The following KIAA0319 variants were observed in gnomAD, a reference collection of about 807,000 sequenced individuals.
KIAA0319 encodes KIAA0319, also known as dyslexia-associated protein KIAA0319.
Under a neutral mutation model 108.4 loss-of-function variants are expected in KIAA0319, and 83 were observed. That is an observed-to-expected ratio of 0.77 (90% confidence interval 0.64 to 0.92). KIAA0319 has a LOEUF of 0.92. Among genes scored for constraint, KIAA0319 ranks in the 40% least tolerant of loss-of-function variants. The probability of loss-of-function intolerance (pLI) is 0.00; values close to 1 mark genes in which losing one functional copy is unlikely to be tolerated. For missense variants in KIAA0319, 1,195 were observed against 1,322.4 expected, an observed-to-expected ratio of 0.90 and a Z score of 1.49; for synonymous variants, 484 against 510.4, an observed-to-expected ratio of 0.95 and a Z score of 0.70.
intron 1 of KIAA0319, among the ~76,000 whole-genome samples, chr6:24,602,628 G>A (rs540532207): frequency 2.0e-5 from 3 of 152,218 alleles, no homozygotes; most frequent in South Asian, 2.1e-4. Context: ...GTGAAACCCC[G>A]TCTCTACTAA....
intron 11 of KIAA0319, 150 bp from the exon 12 acceptor site, chr6:24,570,185 G>C: frequency 1.4e-6 from 1 of 717,658 alleles, no homozygotes; most frequent in Non-Finnish European, 2.3e-6. Flanking sequence ...GTGAAGCACT[G>C]CAGCCTCCTA....
Position 24,591,898 on chromosome 6 carries a change from AATT to A in KIAA0319, c.802-3116_802-3114del, listed in dbSNP as rs1768539112. Among the ~76,000 whole-genome samples, 4 of 152,176 alleles carry A rather than the reference AATT, an allele frequency of 2.6e-5. No homozygotes were observed. In the South Asian group the frequency reaches 8.3e-4, roughly 32 times the overall value. ...GTTTGAGTTGGGTTATTTGTCTTTTAATTATTAAGTTGTAAGAGTTATTTATAT... is the reference window on the plus strand; with the variant it reads ...GTTTGAGTTGGGTTATTTGTCTTTTAATTAAGTTGTAAGAGTTATTTATAT... On this transcript the variant is annotated intron_variant, in intron 3 of 20. Transcript: ENST00000378214.
intron 1 of KIAA0319, among the ~76,000 whole-genome samples, chr6:24,636,528 A>G (rs1776223460): frequency 6.6e-6 from 1 of 152,260 alleles, no homozygotes; most frequent in African/African-American, 2.4e-5. Flanking sequence ...TTAGAGCAAC[A>G]TGAATTCTGT....
intron 16 of KIAA0319, among the ~76,000 whole-genome samples, chr6:24,562,600 G>C (rs559363910): frequency 3.9e-5 from 6 of 152,188 alleles, no homozygotes; most frequent in Admixed American, 6.5e-5. Context: ...AGCACCCTGG[G>C]AGGCCTAAGT....
chr6:24,581,556 T>C (rs1252371533), intron 6 of KIAA0319, among the ~76,000 whole-genome samples: 1 of 152,124 alleles, frequency 6.6e-6, no homozygotes, highest in Non-Finnish European at 1.5e-5. Flanking sequence ...TAGAACAATA[T>C]GTGATAGGGC....
At chr6:24,559,427 C>T (rs146233208) in intron 16 of KIAA0319, among the ~76,000 whole-genome samples, 262 of 152,218 alleles carry the variant, frequency 1.7e-3, no homozygotes, top group African/African-American at 5.8e-3. Context: ...AAATCCTAAC[C>T]AAATGGGTCT....
intron 1 of KIAA0319, among the ~76,000 whole-genome samples, chr6:24,637,823 TAAA>T (rs11325613): frequency 1.3e-5 from 2 of 149,672 alleles, no homozygotes; most frequent in Admixed American, 6.6e-5. Context: ...ATCCTTCAGT[TAAA>T]AAAAAAAAAA....
At chr6:24,589,290 T>A (rs762653959) in intron 3 of KIAA0319, among the ~76,000 whole-genome samples, 1 of 152,176 alleles carries the variant, frequency 6.6e-6, no homozygotes, top group African/African-American at 2.4e-5. Context: ...AGCAAAAAGA[T>A]GACTACCTAT....
chr6:24,543,921 G>A (rs1439920066), downstream of KIAA0319, among the ~76,000 whole-genome samples: 5 of 152,172 alleles, frequency 3.3e-5, no homozygotes, highest in African/African-American at 7.2e-5. Flanking sequence ...CAGTTCTTCC[G>A]GAACACTTGT....
At chr6:24,574,899 A>G (rs765376978) in intron 10 of KIAA0319, among the ~76,000 whole-genome samples, 7 of 152,248 alleles carry the variant, frequency 4.6e-5, no homozygotes, top group Non-Finnish European at 7.3e-5. Context: ...GTTGCCTCCA[A>G]ATTGATCTGG....
intron 4 of KIAA0319, 111 bp from the exon 5 acceptor site, chr6:24,583,813 T>C (rs1302933704): frequency 4.2e-6 from 3 of 706,100 alleles, no homozygotes; most frequent in Non-Finnish European, 7.1e-6. Context: ...CATATGCTTT[T>C]GTAATAGTTC....
At chr6:24,581,730 T>C (rs1374157304) in intron 6 of KIAA0319, among the ~76,000 whole-genome samples, 2 of 152,208 alleles carry the variant, frequency 1.3e-5, no homozygotes, top group Admixed American at 1.3e-4. Flanking sequence ...TTCCCCAAAC[T>C]GAGATATACT....
chr6:24,559,290 G>T (rs1197342951), intron 16 of KIAA0319, 135 bp from the exon 17 acceptor site: 1 of 844,092 alleles, frequency 1.2e-6, no homozygotes, highest in Non-Finnish European at 1.8e-6. Context: ...GGACAGGGGC[G>T]TATCTGTGAG....
chr6:24,541,814 C>T (rs1760202310), downstream of KIAA0319, among the ~76,000 whole-genome samples: 1 of 151,970 alleles, frequency 6.6e-6, no homozygotes, highest in East Asian at 1.9e-4. Context: ...AATAATTTAG[C>T]CCACAACACT....
intron 10 of KIAA0319, among the ~76,000 whole-genome samples, chr6:24,573,226 G>C (rs1764982053): frequency 2.0e-5 from 3 of 152,158 alleles, no homozygotes; most frequent in Admixed American, 2.0e-4. Context: ...TATGAAAACA[G>C]CTATTAAAAT....
intron 1 of KIAA0319, among the ~76,000 whole-genome samples, chr6:24,625,095 G>A (rs1774523432): frequency 6.6e-6 from 1 of 152,130 alleles, no homozygotes; most frequent in Non-Finnish European, 1.5e-5. Flanking sequence ...TAAAAGAATT[G>A]TATAATACAG....
chr6:24,621,854 T>A (rs1773984916), intron 1 of KIAA0319, among the ~76,000 whole-genome samples: 1 of 152,172 alleles, frequency 6.6e-6, no homozygotes, highest in Non-Finnish European at 1.5e-5. Context: ...CTCCAAGCCC[T>A]GAGCCAATGG....
chr6:24,572,959 T>C (rs1764938867), intron 10 of KIAA0319, among the ~76,000 whole-genome samples: 1 of 151,992 alleles, frequency 6.6e-6, no homozygotes, highest in African/African-American at 2.4e-5. Flanking sequence ...CTACTAAAAA[T>C]ATATTTTAAA....
At chr6:24,583,280 C>T in intron 5 of KIAA0319, 1 of 1,004,590 alleles carries the variant, frequency 1.0e-6, no homozygotes, top group Non-Finnish European at 1.2e-6. Context: ...GTGGAATCTT[C>T]CCAGGTTCTA....
Sources: allele counts gnomAD v4.1 joint callset (sites outside exome capture counted in the v4.1 genomes callset), GRCh38; gene constraint gnomAD v4.1.1; transcripts MANE v1.5; gene names NCBI Gene and HGNC (gene_info 2026-07-23, HGNC 2026-07-21).